The following ZNF486 variants were observed in gnomAD, a reference collection of about 807,000 sequenced individuals.
ZNF486 encodes zinc finger protein 486.
ZNF486 carries 12 observed loss-of-function variants against 12.8 expected under a neutral mutation model. That is an observed-to-expected ratio of 0.94 (90% CI 0.60 to 1.52). The LOEUF is 1.52. Among genes scored for constraint, ZNF486 ranks in the 40% most tolerant of loss-of-function variants. The probability of loss-of-function intolerance (pLI) is 0.00; values close to 1 mark genes in which losing one functional copy is unlikely to be tolerated. For synonymous variants in ZNF486, 231 were observed against 184.9 expected (o/e 1.25, Z -2.02); for missense variants, 738 against 545.0 (o/e 1.35, Z -3.53).
intron 1 of ZNF486, among the ~76,000 whole-genome samples, chr19:20,180,964 T>A (rs891084191): frequency 3.9e-5 from 6 of 152,116 alleles, no homozygotes; most frequent in African/African-American, 1.4e-4. Flanking sequence ...CTAGAAAAAT[T>A]AAAATTATAG....
At chr19:20,190,155 G>C (rs531560987) in intron 3 of ZNF486, among the ~76,000 whole-genome samples, 2 of 152,192 alleles carry the variant, frequency 1.3e-5, no homozygotes, top group Non-Finnish European at 2.9e-5. Flanking sequence ...TCTTTCATCT[G>C]TTTATCTTTG....
intron 1 of ZNF486, among the ~76,000 whole-genome samples, chr19:20,178,090 A>AT (rs1156383739): frequency 6.0e-4 from 80 of 133,086 alleles, no homozygotes; most frequent in African/African-American, 1.6e-3. Context: ...GGCCCGGCTA[A>AT]TTTTTTTTTT....
At chr19:20,194,264 G>A (rs180819122) in intron 3 of ZNF486, among the ~76,000 whole-genome samples, 159 of 152,326 alleles carry the variant, frequency 1.0e-3, no homozygotes, top group African/African-American at 3.8e-3. Flanking sequence ...TGTGTATGGT[G>A]TATGCAGTGC....
At chr19:20,191,766 T>C (rs1555717239) in intron 3 of ZNF486, among the ~76,000 whole-genome samples, 1 of 152,112 alleles carries the variant, frequency 6.6e-6, no homozygotes. Context: ...CAGGACTCTG[T>C]CTCAAAAACA....
At chr19:20,174,471 T>G (rs1159006487) in intron 1 of ZNF486, among the ~76,000 whole-genome samples, 1 of 151,982 alleles carries the variant, frequency 6.6e-6, no homozygotes, top group Non-Finnish European at 1.5e-5. Context: ...TCACTGCAAC[T>G]GCTGCCTCCC....
At chr19:20,174,514 G>A (rs782240575) in intron 1 of ZNF486, among the ~76,000 whole-genome samples, 1 of 151,680 alleles carries the variant, frequency 6.6e-6, no homozygotes, top group African/African-American at 2.4e-5. Context: ...TCAGCCTTCC[G>A]AGTAGCTGGG....
Position 20,198,098 on chromosome 19 carries a change from C to T in ZNF486, c.1388C>T (p.Thr463Met), listed in dbSNP as rs782793496. 108 of 1,569,058 alleles carry T rather than the reference C, an allele frequency of 6.9e-5. 1 individual carries two copies. The highest frequency in any genetic ancestry group is 2.5e-4 in the Admixed American group (13 of 51,542). The change falls in exon 4 of 4, where the codon ACG becomes ATG. Residue 463 changes from threonine (T) to methionine (M), a missense_variant. Thr to Met is a moderately conservative substitution (Grantham distance 81). Coordinates refer to ENST00000335117, the MANE Select transcript of ZNF486 (RefSeq NM_052852.4). ...KRIHIGQKPR[T>M] ...ATTCATATTGGACAGAAACCAAGAA[C>T]GTGACAAAGGATTATTTTATTATTA...
At position 20,177,935 on chromosome 19, in the gene ZNF486, C is replaced by CTTTTTTTTTTTT. The variant is rs1241165221; in HGVS notation, c.31-6412_31-6411insTTTTTTTTTTTT. 4.8e-4 allele frequency among the ~76,000 whole-genome samples: 70 copies of CTTTTTTTTTTTT among 145,168 alleles called. 1 individual carries two copies. Among genetic ancestry groups the CTTTTTTTTTTTT allele is most frequent in the African/African-American group, 1.7e-3 (65 of 37,690 alleles). ...TTTTCTGGGGCTGTAAACATTTGTT[C>CTTTTTTTTTTTT]TTTTTTTTTGAGACGAAGTCTCTCA... On this transcript the variant is annotated intron_variant, in intron 1 of 3. Coordinates refer to ENST00000335117, the MANE Select transcript of ZNF486 (RefSeq NM_052852.4).
intron 1 of ZNF486, among the ~76,000 whole-genome samples, chr19:20,167,910 C>G (rs1209377122): frequency 6.6e-6 from 1 of 151,956 alleles, no homozygotes; most frequent in East Asian, 1.9e-4. Context: ...GTAAAACAAC[C>G]CTACCCCTTT....
intron 3 of ZNF486, among the ~76,000 whole-genome samples, chr19:20,192,755 T>C (rs1205640519): frequency 6.6e-6 from 1 of 152,216 alleles, no homozygotes; most frequent in Non-Finnish European, 1.5e-5. Flanking sequence ...TAGCCATCTA[T>C]GTTTTTTGTA....
chr19:20,185,400 TTA>T (rs1173044951), intron 2 of ZNF486, among the ~76,000 whole-genome samples: 2 of 148,868 alleles, frequency 1.3e-5, no homozygotes, highest in Admixed American at 6.7e-5. Flanking sequence ...AAGGTATTGT[TTA>T]TGTTTTTTTT....
chr19:20,182,661 G>T (rs2089799336), intron 1 of ZNF486, among the ~76,000 whole-genome samples: 1 of 152,124 alleles, frequency 6.6e-6, no homozygotes, highest in African/African-American at 2.4e-5. Context: ...GTGGCAGGGA[G>T]GGCACCTGAG....
At position 20,167,226 on chromosome 19, in the gene ZNF486, ATC is replaced by A. The variant is rs2089592476; in HGVS notation, c.-103_-102del. 2 of 1,420,358 alleles carry A rather than the reference ATC, an allele frequency of 1.4e-6. No homozygotes were observed. 88.0% of individuals were successfully genotyped at this position (1,420,358 alleles called of 1,614,324 possible). A position where few individuals can be genotyped will look rare whatever the true frequency, so the allele number is the denominator to read the frequency against. ...TGGCGCGGCCTTTGTCTCTCGCTGC[ATC>A]TGGAGCTCTAGGTCGCCTCTTCGCT... On this transcript the variant is annotated 5_prime_UTR_variant, in exon 1 of 4. It adds an upstream start codon to the 5' untranslated region. Transcript: ENST00000335117.
Position 20,181,996 on chromosome 19 carries a change from T to C in ZNF486, c.31-2360T>C, listed in dbSNP as rs541796323. 1.1e-4 allele frequency among the ~76,000 whole-genome samples: 17 copies of C among 152,290 alleles called. No homozygotes were observed. In the South Asian group the frequency reaches 3.3e-3, roughly 30 times the overall value. ...AACATTGCATTAGTACTTGTGTACATGTTGTTTTTTAAATACAGACTTACT... is the reference window on the plus strand; with the variant it reads ...AACATTGCATTAGTACTTGTGTACACGTTGTTTTTTAAATACAGACTTACT... On this transcript the variant is annotated intron_variant, in intron 1 of 3. Coordinates refer to ENST00000335117, the MANE Select transcript of ZNF486 (RefSeq NM_052852.4).
At chr19:20,173,613 G>T (rs562657573) in intron 1 of ZNF486, among the ~76,000 whole-genome samples, 10 of 151,986 alleles carry the variant, frequency 6.6e-5, no homozygotes, top group Non-Finnish European at 1.5e-4. Context: ...GGTGGATCAC[G>T]AGGTCAGGAG....
chr19:20,172,597 C>T (rs1020501428), intron 1 of ZNF486, among the ~76,000 whole-genome samples: 1 of 151,948 alleles, frequency 6.6e-6, no homozygotes, highest in Non-Finnish European at 1.5e-5. Flanking sequence ...CCATGCCCGG[C>T]CTGCCTACTT....
At chr19:20,169,225 C>T (rs1180547146) in intron 1 of ZNF486, among the ~76,000 whole-genome samples, 3 of 152,128 alleles carry the variant, frequency 2.0e-5, no homozygotes, top group Non-Finnish European at 2.9e-5. Flanking sequence ...AGGGATTTTC[C>T]TACCTCAGCC....
chr19:20,183,710 T>C (rs1201427578), intron 1 of ZNF486, among the ~76,000 whole-genome samples: 1 of 152,200 alleles, frequency 6.6e-6, no homozygotes, highest in Non-Finnish European at 1.5e-5. Context: ...ATTATGTTTA[T>C]GCAGCTGATA....
intron 1 of ZNF486, chr19:20,177,193 C>G (rs973607059): frequency 6.6e-6 from 1 of 152,272 alleles, no homozygotes; most frequent in Non-Finnish European, 1.5e-5. Context: ...TACTAGCAAC[C>G]AGGAGAAAGC....
Sources: allele counts gnomAD v4.1 joint callset (sites outside exome capture counted in the v4.1 genomes callset), GRCh38; gene constraint gnomAD v4.1.1; transcripts MANE v1.5; gene names NCBI Gene and HGNC (gene_info 2026-07-23, HGNC 2026-07-21).